The following COL10A1 variants were observed in gnomAD, a reference collection of about 807,000 sequenced individuals.
The protein encoded by COL10A1 is collagen type X alpha 1 chain.
COL10A1 carries 10 observed loss-of-function variants against 18.2 expected under a neutral mutation model. The observed-to-expected ratio is 0.55, with a 90% CI of 0.34 to 0.93. COL10A1 has a LOEUF of 0.93. Ranked by LOEUF, COL10A1 falls within the 40% of genes least tolerant of loss-of-function variation. The pLI is 0.02. For synonymous variants in COL10A1, 330 were observed against 316.6 expected (o/e 1.04, Z -0.45); for missense variants, 897 against 853.5 (o/e 1.05, Z -0.64).
At chr6:116,178,270 G>A in the COL10A1 span, among the ~76,000 whole-genome samples, 1 of 152,026 alleles carries the variant, frequency 6.6e-6, no homozygotes, top group African/African-American at 2.4e-5. Flanking sequence ...TACTAACCAG[G>A]CCCGACCCTG....
the COL10A1 span, among the ~76,000 whole-genome samples, chr6:116,164,909 C>T: frequency 6.6e-6 from 1 of 151,766 alleles, no homozygotes; most frequent in Non-Finnish European, 1.5e-5. Flanking sequence ...TGGTGAAACC[C>T]CGTCTCTACT....
chr6:116,120,861 C>T lies in COL10A1; in HGVS notation c.1255G>A (p.Gly419Ser), dbSNP rs369941065. 1.2e-5 allele frequency: 19 copies of T among 1,613,898 alleles called. No homozygotes were observed. The highest frequency in any genetic ancestry group is 6.6e-5 in the South Asian group (6 of 91,082). Residue 419 changes from glycine to serine, a missense_variant, in exon 3 of 3, where the codon GGT (glycine) becomes AGT (serine). Transcript: ENST00000651968. ...GCTGGGCCCACAGGGCCTGGGAGAC[C>T]AGGAGGTCCTCCAACTCCAGGATCA... ...KGDPGVGGPP[G>S]LPGPVGPAGA...
chr6:116,128,418 G>A (rs963560451), upstream of COL10A1, among the ~76,000 whole-genome samples: 2 of 152,002 alleles, frequency 1.3e-5, no homozygotes, highest in African/African-American at 2.4e-5. Context: ...CTAGTCTGTG[G>A]CTTTATGAAG....
chr6:116,173,332 A>G, the COL10A1 span, among the ~76,000 whole-genome samples: 2 of 152,226 alleles, frequency 1.3e-5, no homozygotes, highest in African/African-American at 4.8e-5. Flanking sequence ...AAAATAAATT[A>G]GAACATTTAC....
Position 116,121,463 on chromosome 6 carries a change from C to T in COL10A1, c.653G>A (p.Gly218Glu), listed in dbSNP as rs761203337. Residue 218 changes from glycine to glutamate, a missense_variant, in exon 3 of 3, where the codon GGA (glycine) becomes GAA (glutamate). Coordinates refer to ENST00000651968, the MANE Select transcript of COL10A1 (RefSeq NM_000493.4). The stretch of plus-strand genomic sequence containing the variant: ...CCCATTTTCACCTCTTTTTCCCACT[C>T]CAGGAGGGCCAGATGGTCCTGTGGG... Reference protein sequence around the residue: ...QGPTGPSGPPGVGKRGENGVP... With the variant: ...QGPTGPSGPPEVGKRGENGVP... 12 of 1,614,132 alleles carry T rather than the reference C, an allele frequency of 7.4e-6. No individual in the cohort carries two copies. In the Admixed American group the frequency reaches 1.7e-4, roughly 22 times the overall value.
chr6:116,194,829 T>C, the COL10A1 span, among the ~76,000 whole-genome samples: 34 of 152,184 alleles, frequency 2.2e-4, no homozygotes, highest in Admixed American at 2.2e-3. Flanking sequence ...TATTCTTTTC[T>C]ATTATAAGAC....
chr6:116,119,962 G>A lies in COL10A1; in HGVS notation c.*111C>T. On this transcript the variant is annotated 3_prime_UTR_variant, in exon 3 of 3. Transcript: ENST00000651968. ...TCTGATAGCTCAAATCTGTATTTCAGAAAATAAAAATTACATTCTTTTCAG... is the reference window on the plus strand; with the variant it reads ...TCTGATAGCTCAAATCTGTATTTCAAAAAATAAAAATTACATTCTTTTCAG... 1 of 1,048,700 alleles carries A rather than the reference G, an allele frequency of 9.5e-7. No homozygotes were observed. Among genetic ancestry groups the A allele is most frequent in the South Asian group, 1.3e-5 (1 of 75,684 alleles). The allele number at this position is 1,048,700 out of a possible 1,614,324, so 65.0% of individuals were successfully genotyped here.
the COL10A1 span, among the ~76,000 whole-genome samples, chr6:116,171,337 T>C: frequency 0.21 from 32,067 of 152,076 alleles, 3,539 homozygotes; most frequent in East Asian, 0.27. Context: ...CATTATTTTG[T>C]GGATTTTGAG....
chr6:116,127,078 C>T (rs1441997167), upstream of COL10A1, among the ~76,000 whole-genome samples: 1 of 152,086 alleles, frequency 6.6e-6, no homozygotes, highest in Admixed American at 6.6e-5. Flanking sequence ...CGTTTTGAAT[C>T]AAAATCAAAT....
chr6:116,145,950 A>C (rs1182576520), intron 1 of COL10A1, among the ~76,000 whole-genome samples: 1 of 152,184 alleles, frequency 6.6e-6, no homozygotes, highest in Non-Finnish European at 1.5e-5. Flanking sequence ...TATGCAGTCT[A>C]GTGTTTGTAC....
the COL10A1 span, among the ~76,000 whole-genome samples, chr6:116,200,706 A>C: frequency 1.3e-5 from 2 of 151,984 alleles, no homozygotes; most frequent in Non-Finnish European, 1.5e-5. Flanking sequence ...TCTCTGGGTG[A>C]TATTTAATGT....
rs578258141 is a variant in COL10A1 at position 116,122,113 on chromosome 6, A to G, written c.155-152T>C. ...ACAGTCTGAAATGGTTTTAGATTAT[A>G]TGTTTTATACTGTTTTAAAAAATTC... On this transcript the variant is annotated intron_variant, in intron 2 of 2. Transcript: ENST00000651968. 5 of 811,506 alleles carry G rather than the reference A, an allele frequency of 6.2e-6. No individual in the cohort carries two copies. The African/African-American group carries it at 8.4e-5, about 14-fold the overall frequency. 50.3% of individuals were successfully genotyped at this position (811,506 alleles called of 1,614,324 possible). A position where few individuals can be genotyped will look rare whatever the true frequency, so the allele number is the denominator to read the frequency against.
the COL10A1 span, among the ~76,000 whole-genome samples, chr6:116,185,716 A>G: frequency 1.3e-5 from 2 of 152,080 alleles, no homozygotes; most frequent in South Asian, 4.1e-4. Context: ...ATTTGCATGG[A>G]ATATTTTTTT....
chr6:116,216,275 A>G, the COL10A1 span, among the ~76,000 whole-genome samples: 1 of 152,124 alleles, frequency 6.6e-6, no homozygotes, highest in Non-Finnish European at 1.5e-5. Context: ...TTTCCAATGA[A>G]GCAGGCAAAA....
chr6:116,178,116 T>TGCGCGC, the COL10A1 span, among the ~76,000 whole-genome samples: 1 of 148,724 alleles, frequency 6.7e-6, no homozygotes, highest in African/African-American at 2.6e-5. Flanking sequence ...CGTGCGTGTG[T>TGCGCGC]GTGTGTGTGT....
At chr6:116,172,772 A>G in the COL10A1 span, among the ~76,000 whole-genome samples, 3 of 152,212 alleles carry the variant, frequency 2.0e-5, no homozygotes, top group Admixed American at 6.5e-5. Context: ...GGCATCAAAA[A>G]TAGTCAAAAC....
At chr6:116,137,272 A>G (rs1236707427) in intron 1 of COL10A1, 1 of 156,216 alleles carries the variant, frequency 6.4e-6, no homozygotes, top group African/African-American at 2.4e-5. Flanking sequence ...CCATATAGAA[A>G]GGACTGCTGT....
chr6:116,199,342 G>A, the COL10A1 span, among the ~76,000 whole-genome samples: 1 of 152,038 alleles, frequency 6.6e-6, no homozygotes, highest in African/African-American at 2.4e-5. Context: ...GAAGACATTA[G>A]ATAGTCAAAG....
At position 116,120,684 on chromosome 6, in the gene COL10A1, C is replaced by T. The variant is rs372745599; in HGVS notation, c.1432G>A (p.Ala478Thr). 1.7e-5 allele frequency: 27 copies of T among 1,547,148 alleles called. No homozygotes were observed. Among genetic ancestry groups the T allele is most frequent in the Non-Finnish European group, 2.3e-5 (27 of 1,154,274 alleles). The part of the protein sequence containing the change: ...DPGSPGPPGP[A>T]GIATKGLNGP... ...TTGAGGCCCTTAGTTGCTATGCCAG[C>T]TGGGCCAGGAGGACCGGGACTTCCT... The change falls in exon 3 of 3, where the codon GCT becomes ACT. Residue 478 changes from alanine (A) to threonine (T), a missense_variant. Transcript: ENST00000651968.
Sources: gnomAD v4.1 joint callset for allele counts (sites outside exome capture counted in the v4.1 genomes callset) on GRCh38, gnomAD v4.1.1 for gene constraint, MANE v1.5 for transcripts, NCBI Gene and HGNC (gene_info 2026-07-23, HGNC 2026-07-21) for gene names.